The following SYTL5 variants were observed in gnomAD, a reference collection of about 807,000 sequenced individuals.
The protein encoded by SYTL5 is synaptotagmin like 5, also known as synaptotagmin-like protein 5.
Under a neutral mutation model 55.9 loss-of-function variants are expected in SYTL5, and 34 were observed. That is an observed-to-expected ratio of 0.61 (90% CI 0.46 to 0.81). SYTL5 has a LOEUF of 0.81. SYTL5 is among the 30% of genes least tolerant of loss of function. The probability of loss-of-function intolerance (pLI) is 0.00; values close to 1 mark genes in which losing one functional copy is unlikely to be tolerated. For missense variants in SYTL5, 637 were observed against 546.7 expected (o/e 1.17, Z -1.65); for synonymous variants, 221 against 188.7 (o/e 1.17, Z -1.40).
At chrX:38,009,395 T>C (rs1007291475) in intron 1 of SYTL5, among the ~76,000 whole-genome samples, 1 of 112,128 alleles carries the variant, frequency 8.9e-6, no homozygotes, top group African/African-American at 3.2e-5. Flanking sequence ...AACTCACAGC[T>C]TTTATGTCAA....
the SYTL5 span, among the ~76,000 whole-genome samples, chrX:37,974,779 T>C: frequency 3.6e-5 from 4 of 112,440 alleles, no homozygotes; most frequent in African/African-American, 1.3e-4. Flanking sequence ...GATAACAGAT[T>C]GTTGGGTTAT....
At chrX:38,024,393 A>G (rs1213246359) in intron 1 of SYTL5, among the ~76,000 whole-genome samples, 1 of 111,327 alleles carries the variant, frequency 9.0e-6, no homozygotes, top group African/African-American at 3.3e-5. Context: ...CACCCCAGCC[A>G]TATGGAAATG....
At chrX:37,892,615 T>G in the SYTL5 span, among the ~76,000 whole-genome samples, 3 of 93,120 alleles carry the variant, frequency 3.2e-5, no homozygotes, top group African/African-American at 1.2e-4. Flanking sequence ...TAATTGTATA[T>G]ACATATATAC....
chrX:37,894,492 G>C, the SYTL5 span, among the ~76,000 whole-genome samples: 1 of 111,526 alleles, frequency 9.0e-6, no homozygotes, highest in Non-Finnish European at 1.9e-5. Flanking sequence ...TGTTAAACTG[G>C]ATAATAGAAA....
chrX:38,006,276 T>A (rs1230344419), upstream of SYTL5, among the ~76,000 whole-genome samples: 1 of 111,918 alleles, frequency 8.9e-6, no homozygotes, highest in Non-Finnish European at 1.9e-5. Context: ...CCAGGTTTTT[T>A]AAGAATAGAG....
chrX:38,010,467 G>A (rs892066577), intron 1 of SYTL5, among the ~76,000 whole-genome samples: 1 of 111,858 alleles, frequency 8.9e-6, no homozygotes, highest in Non-Finnish European at 1.9e-5. Context: ...AGGTATGAAC[G>A]TTCTGAGCGA....
In SYTL5 at chrX:38,033,835, A is replaced by G. The variant is rs1484375267; in HGVS notation, c.-55A>G. Reference sequence around the variant, plus strand: ...TGGGGGAATCTTAGTTGTAGATATCAATTCACCTTCTTGAAGATTCAACCA... The same window carrying G: ...TGGGGGAATCTTAGTTGTAGATATCGATTCACCTTCTTGAAGATTCAACCA... On this transcript the variant is annotated 5_prime_UTR_variant, in exon 2 of 17. Transcript: ENST00000297875. 4 of 670,973 alleles carry G rather than the reference A, an allele frequency of 6.0e-6. No homozygotes were observed. The highest frequency in any genetic ancestry group is 4.6e-6 in the Non-Finnish European group (2 of 431,118). 55.3% of individuals were successfully genotyped at this position (670,973 alleles called of 1,213,427 possible). A position where few individuals can be genotyped will look rare whatever the true frequency, so the allele number is the denominator to read the frequency against.
At chrX:37,934,390 GA>G in the SYTL5 span, among the ~76,000 whole-genome samples, 1 of 108,775 alleles carries the variant, frequency 9.2e-6, no homozygotes, top group African/African-American at 3.3e-5. Flanking sequence ...CTTGCAAGTT[GA>G]AAAGTTCAAT....
chrX:37,947,785 T>A, the SYTL5 span, among the ~76,000 whole-genome samples: 1 of 111,684 alleles, frequency 9.0e-6, no homozygotes, highest in Non-Finnish European at 1.9e-5. Flanking sequence ...AAGCTAGTTA[T>A]TTTTTTCCAT....
intron 2 of SYTL5, among the ~76,000 whole-genome samples, chrX:38,043,668 TATATATATATATATATATATATAC>T (rs1168114998): frequency 1.5e-5 from 1 of 68,517 alleles, no homozygotes; most frequent in African/African-American, 8.4e-5. Flanking sequence ...TATGTATATA[TATATATATATATATATATATATAC>T]ATATATATAT....
chrX:38,023,227 A>G (rs1218934501), intron 1 of SYTL5, among the ~76,000 whole-genome samples: 2 of 112,084 alleles, frequency 1.8e-5, no homozygotes, highest in Non-Finnish European at 3.8e-5. Context: ...AAGCCAGCAC[A>G]TTCTCCATCT....
the SYTL5 span, among the ~76,000 whole-genome samples, chrX:37,973,781 C>T: frequency 1.4e-3 from 154 of 110,480 alleles, no homozygotes; most frequent in Middle Eastern, 0.024. Context: ...ATTACAGGCA[C>T]CCACCACCAT....
At chrX:38,004,593 T>C (rs1933944056), upstream of SYTL5, among the ~76,000 whole-genome samples, 2 of 111,810 alleles carry the variant, frequency 1.8e-5, no homozygotes, top group South Asian at 3.7e-4. Context: ...CTACCATCTA[T>C]AAAGAAGAAT....
the SYTL5 span, among the ~76,000 whole-genome samples, chrX:37,973,065 G>A: frequency 8.9e-6 from 1 of 111,939 alleles, no homozygotes; most frequent in Non-Finnish European, 1.9e-5. Flanking sequence ...AAGGGGGAAG[G>A]GGCTTCTCTA....
the SYTL5 span, among the ~76,000 whole-genome samples, chrX:37,908,881 A>G: frequency 9.0e-6 from 1 of 111,331 alleles, no homozygotes; most frequent in African/African-American, 3.3e-5. Flanking sequence ...GGGACATGGG[A>G]AAGGATTTAG....
chrX:38,043,052 G>A (rs1935331836), intron 2 of SYTL5, among the ~76,000 whole-genome samples: 1 of 111,385 alleles, frequency 9.0e-6, no homozygotes, highest in Non-Finnish European at 1.9e-5. Context: ...TTCTTTTATT[G>A]CAGAGTAATT....
upstream of SYTL5, among the ~76,000 whole-genome samples, chrX:38,002,576 A>G (rs1933883883): frequency 1.8e-5 from 2 of 111,906 alleles, no homozygotes; most frequent in Non-Finnish European, 3.8e-5. Context: ...GTGAGATGGT[A>G]TCTCATTGTG....
Position 38,033,741 on chromosome X carries a change from T to A in SYTL5, c.-149T>A, listed in dbSNP as rs752881230. The stretch of plus-strand genomic sequence containing the variant: ...AGCCTGAAAGAATACTTAACTACCA[T>A]ACGCAATTCTGCAGAGACCTTGTAA... On this transcript the variant is annotated 5_prime_UTR_variant, in exon 2 of 17. Transcript: ENST00000297875. 9 of 361,286 alleles carry A rather than the reference T, an allele frequency of 2.5e-5. No individual in the cohort carries two copies. Among genetic ancestry groups the A allele is most frequent in the Non-Finnish European group, 4.4e-5 (9 of 204,510 alleles). 29.8% of individuals were successfully genotyped at this position (361,286 alleles called of 1,213,427 possible). A position where few individuals can be genotyped will look rare whatever the true frequency, so the allele number is the denominator to read the frequency against.
the SYTL5 span, among the ~76,000 whole-genome samples, chrX:37,893,980 C>A: frequency 9.2e-6 from 1 of 108,908 alleles, no homozygotes; most frequent in Admixed American, 1.0e-4. Context: ...ACTACTTTAT[C>A]TTACCCAGGT....
Sources: gnomAD v4.1 joint callset for allele counts (sites outside exome capture counted in the v4.1 genomes callset) on GRCh38, gnomAD v4.1.1 for gene constraint, MANE v1.5 for transcripts, NCBI Gene and HGNC (gene_info 2026-07-23, HGNC 2026-07-21) for gene names.